Variants in TOP3A observed in about 807,000 individuals in gnomAD.
TOP3A encodes the protein DNA topoisomerase III alpha, also known as DNA topoisomerase 3-alpha.
A neutral mutation model predicts 111.3 loss-of-function variants in TOP3A; 64 were observed. The ratio of observed to expected loss-of-function variants is 0.57; its 90% CI spans 0.47 to 0.71. The LOEUF (loss-of-function observed/expected upper bound fraction) is 0.71, where lower values mean the gene tolerates loss of function less well. TOP3A is among the 30% of genes least tolerant of loss of function. The pLI, the probability that TOP3A is intolerant of heterozygous loss-of-function variation, is 0.00. For missense variants in TOP3A, 1,104 were observed against 1,285.0 expected, an observed-to-expected ratio of 0.86 and a Z score of 2.15; for synonymous variants, 484 against 485.1, an observed-to-expected ratio of 1.00 and a Z score of 0.03.
chr17:18,285,374 C>T (rs766499286), intron 14 of TOP3A, 33 bp downstream of exon 14: 1 of 1,613,506 alleles, frequency 6.2e-7, no homozygotes, highest in Non-Finnish European at 8.5e-7. Context: ...GCGACACCAC[C>T]CACTACCCAC....
At chr17:18,314,054 G>A (rs556752873) in intron 1 of TOP3A, among the ~76,000 whole-genome samples, 1 of 152,246 alleles carries the variant, frequency 6.6e-6, no homozygotes, top group African/African-American at 2.4e-5. Context: ...GGTAGGAACA[G>A]GGCTGACTTC....
At position 18,306,837 on chromosome 17, in the gene TOP3A, T is replaced by C. The variant is rs16961112; in HGVS notation, c.390+54A>G. On this transcript the variant is annotated intron_variant, in intron 4 of 18. Coordinates refer to ENST00000321105, the MANE Select transcript of TOP3A (RefSeq NM_004618.5). ...AATGCATTAAAAACAAAGAAATCAC[T>C]CTGTTTGACTCTGTGGTTTGACTCA... is the stretch of plus-strand genomic sequence containing the variant. The C allele has an allele frequency of 0.015, 17,999 of 1,164,302 alleles. 1,143 individuals are homozygous for C. In the African/African-American group the frequency reaches 0.18, roughly 11 times the overall value. 72.1% of individuals were successfully genotyped at this position (1,164,302 alleles called of 1,614,324 possible). A position where few individuals can be genotyped will look rare whatever the true frequency, so the allele number is the denominator to read the frequency against.
At chr17:18,309,581 T>C (rs1213022929) in intron 1 of TOP3A, among the ~76,000 whole-genome samples, 1 of 151,708 alleles carries the variant, frequency 6.6e-6, no homozygotes, top group Non-Finnish European at 1.5e-5. Context: ...GAGGTGGACG[T>C]TGCAGTGAGT....
rs780485037 is a variant in TOP3A at position 18,274,933 on chromosome 17, C to T, written c.2875G>A (p.Glu959Lys). Residue 959 changes from glutamate to lysine, a missense_variant, in exon 19 of 19, where the codon GAG becomes AAG. Coordinates refer to ENST00000321105, the MANE Select transcript of TOP3A (RefSeq NM_004618.5). The stretch of plus-strand genomic sequence containing the variant: ...GGCCTTTTGCTTCTGGCTTCCGACT[C>T]CAGGGTTCTTCCTCTGTCTCCTGTC... ...SWTGDRGRTL[E>K]SEARSKRPRA... is the part of the protein sequence containing the mutation. The T allele has an allele frequency of 6.2e-7, 1 of 1,614,156 alleles. No homozygotes were observed. The highest frequency in any genetic ancestry group is 2.2e-5 in the East Asian group (1 of 44,868).
At position 18,292,873 on chromosome 17, in the gene TOP3A, C is replaced by G. The variant is rs201371298; in HGVS notation, c.1074-21G>C. The G allele has an allele frequency of 9.6e-4, 1,522 of 1,592,704 alleles. 2 individuals carry two copies. The highest frequency in any genetic ancestry group is 1.2e-3 in the Non-Finnish European group (1,449 of 1,167,418). ...TGTACCTAAAACCAAGGCAAACAAA[C>G]AGAAAAAGAAATTGCTAGGCTCTCT... On this transcript the variant is annotated intron_variant, in intron 10 of 18. Coordinates refer to ENST00000321105, the MANE Select transcript of TOP3A (RefSeq NM_004618.5).
In TOP3A at chr17:18,305,116, C is replaced by T; in HGVS notation, c.495G>A (p.Lys165=). The T allele has an allele frequency of 4.3e-6, 7 of 1,613,474 alleles. No homozygotes were observed. The highest frequency in any genetic ancestry group is 5.9e-6 in the Non-Finnish European group (7 of 1,179,378). ...AGCAGCAGCAGCAGCACTTACCAGCCTTACACACGTGGATAATCTCAAACC... is the reference window on the plus strand; with the variant it reads ...AGCAGCAGCAGCAGCACTTACCAGCTTTACACACGTGGATAATCTCAAACC... ...NIGFEIIHVC[K]AVKPNLQVLR... Residue 165 remains lysine, a synonymous_variant, in exon 5 of 19, where the codon AAG becomes AAA. Coordinates refer to ENST00000321105, the MANE Select transcript of TOP3A (RefSeq NM_004618.5).
intron 17 of TOP3A, 152 bp downstream of exon 17, chr17:18,280,384 C>T: frequency 1.2e-6 from 1 of 821,686 alleles, no homozygotes; most frequent in Non-Finnish European, 1.9e-6. Flanking sequence ...AGAACTGGAC[C>T]AGCCCTGCTG....
chr17:18,285,303 A>G lies in TOP3A; in HGVS notation c.1716T>C (p.Tyr572=). ...GHLGMGLVEG[Y]DSMGYEMSKP... ...TAGACATTTCATAGCCCATGGAATC[A>G]TAACCTGCAGGGAGAGAGTCGAGCT... The change falls in exon 15 of 19, where the codon TAT becomes TAC. Residue 572 remains tyrosine, a synonymous_variant. Transcript: ENST00000321105. 1 of 1,614,122 alleles carries G rather than the reference A, an allele frequency of 6.2e-7. No homozygotes were observed. Among genetic ancestry groups the G allele is most frequent in the Non-Finnish European group, 8.5e-7 (1 of 1,180,000 alleles).
intron 1 of TOP3A, 87 bp downstream of exon 1, chr17:18,314,512 T>G: frequency 2.8e-6 from 4 of 1,428,282 alleles, no homozygotes; most frequent in Non-Finnish European, 2.8e-6. Flanking sequence ...GATAATCGCC[T>G]TCATCTCGAT....
At chr17:18,306,198 T>C (rs1251073721) in intron 4 of TOP3A, among the ~76,000 whole-genome samples, 1 of 152,090 alleles carries the variant, frequency 6.6e-6, no homozygotes, top group African/African-American at 2.4e-5. Context: ...CGAGACTTCG[T>C]CTCAAAAAAT....
intron 9 of TOP3A, among the ~76,000 whole-genome samples, chr17:18,297,945 T>C (rs1016512053): frequency 6.8e-6 from 1 of 147,636 alleles, no homozygotes. Context: ...GAGGAGCGTC[T>C]CTGCCCGGCC....
At chr17:18,313,520 G>T in intron 1 of TOP3A, 1 of 164,196 alleles carries the variant, frequency 6.1e-6, no homozygotes, top group South Asian at 1.6e-4. Context: ...ATTCCCTATG[G>T]ATTCATGGTA....
intron 18 of TOP3A, among the ~76,000 whole-genome samples, chr17:18,276,642 T>C (rs568668281): frequency 6.6e-6 from 1 of 152,368 alleles, no homozygotes; most frequent in African/African-American, 2.4e-5. Context: ...AAGGTTATAC[T>C]GCTGAGCTTT....
At chr17:18,294,806 C>A in intron 9 of TOP3A, 21 bp from the exon 10 acceptor site, 1 of 1,564,840 alleles carries the variant, frequency 6.4e-7, no homozygotes, top group Non-Finnish European at 8.8e-7. Flanking sequence ...GGTCAACAGG[C>A]ATGTTAGGTG....
chr17:18,296,693 CCT>C (rs1376120086), intron 9 of TOP3A, among the ~76,000 whole-genome samples: 1 of 152,156 alleles, frequency 6.6e-6, no homozygotes, highest in Admixed American at 6.5e-5. Context: ...ACCACCAGTC[CCT>C]GTGTGCTTCT....
At chr17:18,281,707 G>A (rs1597958182) in intron 16 of TOP3A, among the ~76,000 whole-genome samples, 1 of 152,142 alleles carries the variant, frequency 6.6e-6, no homozygotes, top group South Asian at 2.1e-4. Flanking sequence ...TGAGAGCCTG[G>A]GTGGCCTTCT....
rs571389352 is a variant in TOP3A, at chr17:18,273,133, A to G, written c.*1669T>C. ...ACCTGCATTTGTAAAAATCCTCCCCAATACCCCATCAGAACACAGAGCCAC... is the reference window on the plus strand; with the variant it reads ...ACCTGCATTTGTAAAAATCCTCCCCGATACCCCATCAGAACACAGAGCCAC... On this transcript the variant is annotated 3_prime_UTR_variant, in exon 19 of 19. Coordinates refer to ENST00000321105, the MANE Select transcript of TOP3A (RefSeq NM_004618.5). 1.3e-5 allele frequency: 2 copies of G among 152,270 alleles called. No individual in the cohort carries two copies. The highest frequency in any genetic ancestry group is 4.8e-5 in the African/African-American group (2 of 41,550). The allele number at this position is 152,270 out of a possible 1,614,324, so 9.4% of individuals were successfully genotyped here. A position where few individuals can be genotyped will look rare whatever the true frequency, so the allele number is the denominator to read the frequency against.
intron 1 of TOP3A, chr17:18,312,812 C>A (rs937370262): frequency 1.1e-5 from 2 of 184,334 alleles, no homozygotes; most frequent in South Asian, 1.1e-4. Flanking sequence ...GTTCTCCTGG[C>A]CTTATAGAAA....
intron 9 of TOP3A, among the ~76,000 whole-genome samples, chr17:18,298,769 A>C (rs372874639): frequency 4.6e-4 from 70 of 152,270 alleles, no homozygotes; most frequent in East Asian, 3.7e-3. Context: ...ACCCTGTGCT[A>C]TCTGAAACAT....
Sources: allele counts gnomAD v4.1 joint callset (sites outside exome capture counted in the v4.1 genomes callset), GRCh38; gene constraint gnomAD v4.1.1; transcripts MANE v1.5; gene names NCBI Gene and HGNC (gene_info 2026-07-23, HGNC 2026-07-21).